Variants in PHTF2 observed in about 807,000 individuals in gnomAD.
The protein encoded by PHTF2 is protein PHTF2.
Under a neutral mutation model 101.2 loss-of-function variants are expected in PHTF2, and 60 were observed. The ratio of observed to expected loss-of-function variants is 0.59; its 90% CI spans 0.48 to 0.73. The LOEUF is 0.73. PHTF2 is among the 30% of genes least tolerant of loss of function. The pLI is 0.00. For synonymous variants in PHTF2, 311 were observed against 307.3 expected (o/e 1.01, Z -0.13); for missense variants, 747 against 908.7 (o/e 0.82, Z 2.29).
chr7:77,912,015 T>A (rs546922999), intron 9 of PHTF2, among the ~76,000 whole-genome samples: 133 of 152,352 alleles, frequency 8.7e-4, no homozygotes, highest in African/African-American at 3.0e-3. Flanking sequence ...TTGGGAATCA[T>A]TCTTTTGTTT....
At chr7:77,801,324 G>A (rs1229200993) in intron 1 of PHTF2, among the ~76,000 whole-genome samples, 5 of 152,280 alleles carry the variant, frequency 3.3e-5, no homozygotes, top group South Asian at 2.1e-4. Context: ...GGTGGCTCAC[G>A]CCCGTAATCC....
chr7:77,947,444 T>G (rs959915343), intron 16 of PHTF2, among the ~76,000 whole-genome samples: 1 of 151,690 alleles, frequency 6.6e-6, no homozygotes, highest in African/African-American at 2.4e-5. Context: ...ATGCCTGTAA[T>G]CCCAGCTACT....
In PHTF2 at chr7:77,895,934, G is replaced by A. The variant is rs565531310; in HGVS notation, c.216+1941G>A. The stretch of plus-strand genomic sequence containing the variant: ...ATCGTTCACAGACAGTTATAGATCA[G>A]ATGAAGTCCTTGTTTCACTCTTTCC... On this transcript the variant is annotated intron_variant, in intron 5 of 19. Coordinates refer to ENST00000416283, the Ensembl canonical transcript of PHTF2. The A allele has an allele frequency of 2.0e-5, 3 of 152,250 alleles. No homozygotes were observed. In the East Asian group the frequency reaches 5.8e-4, roughly 29 times the overall value. 9.4% of individuals were successfully genotyped at this position (152,250 alleles called of 1,614,324 possible). A position where few individuals can be genotyped will look rare whatever the true frequency, so the allele number is the denominator to read the frequency against.
Position 77,840,301 on chromosome 7 carries a change from G to T in PHTF2, c.45+1G>T, listed in dbSNP as rs1157893587. 6.3e-7 allele frequency: 1 copy of T among 1,595,602 alleles called. No homozygotes were observed. Among genetic ancestry groups the T allele is most frequent in the East Asian group, 2.2e-5 (1 of 44,666 alleles). ...TGCTATAGTCTGGTATCAAAAGAAG[G>T]TAAGTTGATAGTCAAAACTTTTAGC... On this transcript the variant is annotated splice_donor_variant, in intron 2 of 19. Transcript: ENST00000416283. LOFTEE classifies it high-confidence loss of function.
chr7:77,853,317 CT>C (rs528655070), intron 2 of PHTF2, among the ~76,000 whole-genome samples: 11 of 150,542 alleles, frequency 7.3e-5, no homozygotes, highest in Admixed American at 4.0e-4. Context: ...CTCACTAATT[CT>C]TTTTTCTGCT....
chr7:77,839,028 C>T (rs1385768988), intron 1 of PHTF2, among the ~76,000 whole-genome samples: 1 of 152,092 alleles, frequency 6.6e-6, no homozygotes, highest in Non-Finnish European at 1.5e-5. Flanking sequence ...CATGCTCCCA[C>T]TCATCATGCA....
At chr7:77,887,862 C>T (rs937754597) in intron 3 of PHTF2, among the ~76,000 whole-genome samples, 2 of 152,156 alleles carry the variant, frequency 1.3e-5, no homozygotes, top group Non-Finnish European at 2.9e-5. Flanking sequence ...AGTTGCTTAC[C>T]ATAGCCAAGC....
At chr7:77,937,513 T>G (rs1345902218) in intron 12 of PHTF2, among the ~76,000 whole-genome samples, 197 bp from the exon 12 acceptor site, 1 of 152,138 alleles carries the variant, frequency 6.6e-6, no homozygotes, top group Non-Finnish European at 1.5e-5. Context: ...TGTCTTAGAG[T>G]TGTGTGTATA....
intron 3 of PHTF2, among the ~76,000 whole-genome samples, chr7:77,890,988 A>G (rs1414559576): frequency 6.7e-6 from 1 of 148,312 alleles, no homozygotes; most frequent in Non-Finnish European, 1.5e-5. Context: ...GCCCACTGCA[A>G]CCTTGACCTC....
At chr7:77,802,260 G>A (rs967384859) in intron 1 of PHTF2, among the ~76,000 whole-genome samples, 5 of 152,152 alleles carry the variant, frequency 3.3e-5, no homozygotes, top group African/African-American at 1.2e-4. Flanking sequence ...TGGGCAAAGT[G>A]AGTACTACCC....
In PHTF2 at chr7:77,908,863, G is replaced by A. The variant is rs566205277; in HGVS notation, c.516G>A (p.Pro172=). Residue 172 remains proline, a synonymous_variant, in exon 8 of 20, where the codon CCG becomes CCA. Transcript: ENST00000416283. ...TACCTCTGACAGAGGTGATTGGGCC[G>A]ATATGGCTGATGCTGCTCCTGGGAA... The A allele has an allele frequency of 2.2e-5, 35 of 1,612,330 alleles. No homozygotes were observed. The South Asian group carries it at 2.4e-4, about 11-fold the overall frequency.
intron 13 of PHTF2, among the ~76,000 whole-genome samples, chr7:77,938,911 A>AATT (rs896639413): frequency 7.2e-4 from 109 of 152,362 alleles, no homozygotes; most frequent in African/African-American, 2.4e-3. Flanking sequence ...GTAAGACAGG[A>AATT]ATTATAATAA....
At chr7:77,826,894 A>G (rs1159910053) in intron 1 of PHTF2, among the ~76,000 whole-genome samples, 1 of 152,230 alleles carries the variant, frequency 6.6e-6, no homozygotes, top group African/African-American at 2.4e-5. Context: ...GATTAAATCA[A>G]GTCAACCTCA....
chr7:77,871,454 A>G (rs1798511744), intron 3 of PHTF2, among the ~76,000 whole-genome samples: 1 of 152,142 alleles, frequency 6.6e-6, no homozygotes, highest in African/African-American at 2.4e-5. Context: ...TCCTCTTGGC[A>G]GTGTTCCTCC....
At chr7:77,822,826 T>G (rs1794395911) in intron 1 of PHTF2, among the ~76,000 whole-genome samples, 1 of 152,134 alleles carries the variant, frequency 6.6e-6, no homozygotes, top group Non-Finnish European at 1.5e-5. Context: ...GGTTCTTTCT[T>G]ATTGGGGGGA....
rs115286871 is a variant in PHTF2, at chr7:77,905,323, A to G, written c.445+3403A>G. Among the ~76,000 whole-genome samples the G allele has an allele frequency of 7.5e-3, 1,131 of 150,708 alleles. 17 individuals carry two copies. The highest frequency in any genetic ancestry group is 0.026 in the African/African-American group (1,085 of 40,954). On this transcript the variant is annotated intron_variant, in intron 7 of 19. Transcript: ENST00000416283. ...TCACTGCAGCCTTGAACTCCCGGGC[A>G]CAAACAATCCTCCAGCCTCAGCCTC...
At chr7:77,826,148 A>G (rs972705212) in intron 1 of PHTF2, among the ~76,000 whole-genome samples, 2 of 152,188 alleles carry the variant, frequency 1.3e-5, no homozygotes, top group Non-Finnish European at 2.9e-5. Flanking sequence ...ATACAAAGAG[A>G]AAAAAATTCA....
At chr7:77,900,033 G>T (rs1457844186) in intron 5 of PHTF2, among the ~76,000 whole-genome samples, 1 of 151,926 alleles carries the variant, frequency 6.6e-6, no homozygotes, top group African/African-American at 2.4e-5. Flanking sequence ...ACTGATAGCA[G>T]AAACTTAATT....
At chr7:77,805,258 G>A (rs546839326) in intron 1 of PHTF2, among the ~76,000 whole-genome samples, 2 of 152,198 alleles carry the variant, frequency 1.3e-5, no homozygotes, top group South Asian at 4.1e-4. Flanking sequence ...AAGACATATA[G>A]TGCTGTCCTC....
Sources: gnomAD v4.1 joint callset for allele counts (sites outside exome capture counted in the v4.1 genomes callset) on GRCh38, gnomAD v4.1.1 for gene constraint, MANE v1.5 for transcripts, NCBI Gene and HGNC (gene_info 2026-07-23, HGNC 2026-07-21) for gene names.